PPP1R12B: variants seen among roughly 807,000 people sequenced by gnomAD.
The protein encoded by PPP1R12B is myosin phosphatase target subunit 2.
Under a neutral mutation model 126.1 loss-of-function variants are expected in PPP1R12B, and 76 were observed. The observed-to-expected ratio is 0.60, with a 90% CI of 0.50 to 0.73. The LOEUF (loss-of-function observed/expected upper bound fraction) is 0.73, where lower values mean the gene tolerates loss of function less well. PPP1R12B is among the 30% of genes least tolerant of loss of function. The pLI, the probability that PPP1R12B is intolerant of heterozygous loss-of-function variation, is 0.00. For synonymous variants in PPP1R12B, 356 were observed against 434.7 expected (o/e 0.82, Z 2.25); for missense variants, 1,052 against 1,205.1 (o/e 0.87, Z 1.88).
At chr1:202,563,468 G>A (rs1430826315) in intron 20 of PPP1R12B, among the ~76,000 whole-genome samples, 1 of 152,056 alleles carries the variant, frequency 6.6e-6, no homozygotes, top group African/African-American at 2.4e-5. Context: ...GTATTTAGAA[G>A]TGTAGGGAAA....
chr1:202,496,721 T>A, intron 17 of PPP1R12B, 60 bp from the exon 18 acceptor site: 1 of 1,477,356 alleles, frequency 6.8e-7, no homozygotes, highest in Non-Finnish European at 9.4e-7. Context: ...TCTGACCTTG[T>A]TGCTTTCAAG....
intron 1 of PPP1R12B, among the ~76,000 whole-genome samples, chr1:202,390,390 C>G (rs1271841546): frequency 2.0e-5 from 3 of 152,132 alleles, no homozygotes; most frequent in African/African-American, 7.2e-5. Flanking sequence ...TAATGATGAG[C>G]TATCAAATTG....
chr1:202,364,563 A>T (rs1410964403), intron 1 of PPP1R12B, among the ~76,000 whole-genome samples: 1 of 151,600 alleles, frequency 6.6e-6, no homozygotes, highest in Non-Finnish European at 1.5e-5. Flanking sequence ...TTTTTTAATT[A>T]ATTTATTTAT....
chr1:202,540,337 G>A, intron 18 of PPP1R12B: 1 of 1,018,906 alleles, frequency 9.8e-7, no homozygotes, highest in South Asian at 1.6e-5. Context: ...AGAGCAAAGG[G>A]ATTTCAGAGC....
chr1:202,445,334 A>G (rs1287552082), intron 12 of PPP1R12B: 4 of 942,574 alleles, frequency 4.2e-6, no homozygotes, highest in South Asian at 5.6e-5. Context: ...AAAACAAGTT[A>G]GAACTCCTGA....
chr1:202,542,695 A>G (rs373064557), intron 18 of PPP1R12B, among the ~76,000 whole-genome samples: 41 of 152,328 alleles, frequency 2.7e-4, no homozygotes, highest in East Asian at 1.9e-3. Context: ...AATCCCAGTC[A>G]TACTCTCTGG....
At chr1:202,424,472 C>T (rs1669241809) in intron 3 of PPP1R12B, among the ~76,000 whole-genome samples, 1 of 151,908 alleles carries the variant, frequency 6.6e-6, no homozygotes, top group African/African-American at 2.4e-5. Context: ...TACAGGCGCC[C>T]ACCACTATGC....
At chr1:202,374,817 T>A (rs1017156934) in intron 1 of PPP1R12B, among the ~76,000 whole-genome samples, 18 of 152,260 alleles carry the variant, frequency 1.2e-4, no homozygotes, top group African/African-American at 4.3e-4. Flanking sequence ...GTGCTAGGAT[T>A]ACAGGCGTGA....
intron 14 of PPP1R12B, among the ~76,000 whole-genome samples, chr1:202,489,406 T>A (rs1425004097): frequency 6.6e-6 from 1 of 152,200 alleles, no homozygotes; most frequent in African/African-American, 2.4e-5. Flanking sequence ...TAAAAACTTG[T>A]ATATAGGTGT....
rs1210093951 is a variant in PPP1R12B, at chr1:202,583,054, C to T, written c.*2494C>T. The T allele has an allele frequency of 1.3e-5, 2 of 152,034 alleles. No homozygotes were observed. Among genetic ancestry groups the T allele is most frequent in the Non-Finnish European group, 2.9e-5 (2 of 68,006 alleles). The allele number at this position is 152,034 out of a possible 1,614,324, so 9.4% of individuals were successfully genotyped here. A position where few individuals can be genotyped will look rare whatever the true frequency, so the allele number is the denominator to read the frequency against. The stretch of plus-strand genomic sequence containing the variant: ...GAGACTTCGTATTATCATGGGAGTA[C>T]TGTAAGTTCAGTTCTCAGGGAATGC... On this transcript the variant is annotated 3_prime_UTR_variant, in exon 24 of 24. Coordinates refer to ENST00000608999, the MANE Select transcript of PPP1R12B (RefSeq NM_002481.4).
chr1:202,544,767 G>A (rs1322865956), intron 18 of PPP1R12B, among the ~76,000 whole-genome samples: 8 of 152,166 alleles, frequency 5.3e-5, no homozygotes, highest in Admixed American at 4.6e-4. Flanking sequence ...TTTTCAGTCA[G>A]CCATTAATGT....
intron 1 of PPP1R12B, among the ~76,000 whole-genome samples, chr1:202,360,010 AT>A (rs1266134558): frequency 6.6e-6 from 1 of 150,998 alleles, no homozygotes. Context: ...TTTCCTCCTC[AT>A]TTTTTTTCTC....
intron 18 of PPP1R12B, among the ~76,000 whole-genome samples, chr1:202,500,684 G>A (rs1037198722): frequency 6.6e-6 from 1 of 152,082 alleles, no homozygotes; most frequent in Non-Finnish European, 1.5e-5. Flanking sequence ...TATAGTTAAT[G>A]ATAATTTATT....
At chr1:202,470,504 A>T (rs1675705210) in intron 13 of PPP1R12B, among the ~76,000 whole-genome samples, 1 of 152,248 alleles carries the variant, frequency 6.6e-6, no homozygotes, top group African/African-American at 2.4e-5. Context: ...AATAGAAAAT[A>T]AAAATTGCCC....
chr1:202,569,955 G>A (rs1032347776), intron 23 of PPP1R12B, among the ~76,000 whole-genome samples: 12 of 152,168 alleles, frequency 7.9e-5, no homozygotes, highest in African/African-American at 2.7e-4. Flanking sequence ...GGGGAGGGGA[G>A]GAGGGTGAAA....
intron 18 of PPP1R12B, among the ~76,000 whole-genome samples, chr1:202,525,612 C>CTT (rs71142537): frequency 8.3e-6 from 1 of 120,292 alleles, no homozygotes; most frequent in Non-Finnish European, 1.8e-5. Context: ...TTTTTTTTTT[C>CTT]TTTTTTTTTT....
intron 23 of PPP1R12B, chr1:202,576,359 A>G (rs1278550361): frequency 6.6e-6 from 1 of 152,208 alleles, no homozygotes; most frequent in Non-Finnish European, 1.5e-5. Flanking sequence ...GTCAGCAACA[A>G]TCTAATTAGT....
chr1:202,393,279 A>G (rs1571789016), intron 1 of PPP1R12B, among the ~76,000 whole-genome samples: 2 of 152,304 alleles, frequency 1.3e-5, no homozygotes, highest in South Asian at 2.1e-4. Flanking sequence ...GACCAATTGT[A>G]TGGTATGTGA....
chr1:202,365,264 T>G (rs879207710), intron 1 of PPP1R12B, among the ~76,000 whole-genome samples: 4 of 151,784 alleles, frequency 2.6e-5, no homozygotes, highest in Non-Finnish European at 5.9e-5. Context: ...AGCCTGGGCA[T>G]TTTTAGAGAC....
Sources: gnomAD v4.1 joint callset for allele counts (sites outside exome capture counted in the v4.1 genomes callset) on GRCh38, gnomAD v4.1.1 for gene constraint, MANE v1.5 for transcripts, NCBI Gene and HGNC (gene_info 2026-07-23, HGNC 2026-07-21) for gene names.